Variants in SLC14A2 observed in about 807,000 individuals in gnomAD.
SLC14A2 encodes urea transporter 2.
Under a neutral mutation model 104.6 loss-of-function variants are expected in SLC14A2, and 91 were observed. The observed-to-expected ratio is 0.87, with a 90% CI of 0.73 to 1.04. The LOEUF is 1.04. SLC14A2 is among the 50% of genes least tolerant of loss of function. SLC14A2 has a pLI of 0.00. For missense variants in SLC14A2, 1,189 were observed against 1,156.0 expected (o/e 1.03, Z -0.41); for synonymous variants, 476 against 466.4 (o/e 1.02, Z -0.27).
intron 2 of SLC14A2, among the ~76,000 whole-genome samples, chr18:45,534,442 C>T (rs1286475681): frequency 1.3e-5 from 2 of 152,168 alleles, no homozygotes; most frequent in African/African-American, 4.8e-5. Context: ...CTAAAACCAG[C>T]TCAGTGGTTT....
intron 1 of SLC14A2, among the ~76,000 whole-genome samples, chr18:45,429,731 C>T (rs944315500): frequency 5.3e-5 from 8 of 152,134 alleles, no homozygotes; most frequent in African/African-American, 1.9e-4. Context: ...GTTTGATCCT[C>T]GAAGCCAAGT....
At chr18:45,534,235 G>A (rs997555597) in intron 2 of SLC14A2, among the ~76,000 whole-genome samples, 1 of 152,076 alleles carries the variant, frequency 6.6e-6, no homozygotes, top group African/African-American at 2.4e-5. Flanking sequence ...TCACTGCAGA[G>A]CATTTCCTTA....
At chr18:45,256,946 A>G (rs1321916436) in intron 1 of SLC14A2, among the ~76,000 whole-genome samples, 1 of 152,260 alleles carries the variant, frequency 6.6e-6, no homozygotes, top group African/African-American at 2.4e-5. Flanking sequence ...AAATGGCCGT[A>G]TATTACCCCT....
chr18:45,439,360 T>C (rs2086647157), intron 1 of SLC14A2, among the ~76,000 whole-genome samples: 1 of 152,180 alleles, frequency 6.6e-6, no homozygotes, highest in South Asian at 2.1e-4. Flanking sequence ...ACCTGGTTAC[T>C]AAAGGATTAG....
At chr18:45,604,961 T>G (rs2044844785) in intron 2 of SLC14A2, among the ~76,000 whole-genome samples, 1 of 152,240 alleles carries the variant, frequency 6.6e-6, no homozygotes, top group African/African-American at 2.4e-5. Flanking sequence ...GGGCTTCTAT[T>G]AGTCTTCTTT....
At chr18:45,585,625 A>G (rs1378776711) in intron 2 of SLC14A2, among the ~76,000 whole-genome samples, 1 of 152,230 alleles carries the variant, frequency 6.6e-6, no homozygotes, top group Non-Finnish European at 1.5e-5. Flanking sequence ...GATCCAGCTT[A>G]GTTCCCCTGG....
intron 1 of SLC14A2, among the ~76,000 whole-genome samples, chr18:45,239,205 C>G (rs1261183647): frequency 1.3e-5 from 2 of 152,148 alleles, no homozygotes; most frequent in African/African-American, 4.8e-5. Context: ...AAGCCAGTCC[C>G]AAATCCCCCC....
chr18:45,552,876 A>G (rs72904427), intron 2 of SLC14A2, among the ~76,000 whole-genome samples: 502 of 152,364 alleles, frequency 3.3e-3, no homozygotes, highest in Non-Finnish European at 4.6e-3. Context: ...GCATGAGGCC[A>G]TGGCAAAGAT....
At chr18:45,472,279 A>G (rs1311375368) in intron 1 of SLC14A2, among the ~76,000 whole-genome samples, 1 of 152,090 alleles carries the variant, frequency 6.6e-6, no homozygotes, top group African/African-American at 2.4e-5. Flanking sequence ...TCTATCATTG[A>G]TGGGCATTTG....
intron 1 of SLC14A2, among the ~76,000 whole-genome samples, chr18:45,329,679 T>C (rs2085270515): frequency 6.6e-6 from 1 of 152,234 alleles, no homozygotes; most frequent in African/African-American, 2.4e-5. Flanking sequence ...AGATTCTAAA[T>C]GCCTGCAAGT....
At chr18:45,469,278 G>T (rs2087201101) in intron 1 of SLC14A2, among the ~76,000 whole-genome samples, 1 of 152,144 alleles carries the variant, frequency 6.6e-6, no homozygotes. Context: ...CGAAAGCCTT[G>T]AAATCAGATG....
intron 2 of SLC14A2, among the ~76,000 whole-genome samples, chr18:45,543,418 A>G (rs1369798422): frequency 6.6e-6 from 1 of 152,170 alleles, no homozygotes; most frequent in African/African-American, 2.4e-5. Flanking sequence ...TTGGTAGAGC[A>G]TGAGACTCTT....
intron 1 of SLC14A2, among the ~76,000 whole-genome samples, chr18:45,442,934 G>C (rs1019139691): frequency 6.6e-6 from 1 of 152,190 alleles, no homozygotes; most frequent in Non-Finnish European, 1.5e-5. Flanking sequence ...GCAGGTGCTA[G>C]GTTGTTGAAG....
chr18:45,252,792 C>CTT lies in SLC14A2; in HGVS notation c.-125+39617_-125+39618dup, dbSNP rs745363624. Among the ~76,000 whole-genome samples, 190 of 126,916 alleles carry CTT rather than the reference C, an allele frequency of 1.5e-3. 8 individuals carry two copies. Among genetic ancestry groups the CTT allele is most frequent in the East Asian group, 1.5e-3 (7 of 4,528 alleles). 83.3% of individuals were successfully genotyped at this position (126,916 alleles called of 152,430 possible). ...TGCAACATACTCATAGCAATATTGA[C>CTT]TTTTTTTTTTTTTTTTTGGCAAATG... On this transcript the variant is annotated intron_variant, in intron 1 of 20. Transcript: ENST00000586448.
chr18:45,280,838 C>T (rs1599639503), intron 1 of SLC14A2, among the ~76,000 whole-genome samples: 1 of 152,176 alleles, frequency 6.6e-6, no homozygotes, highest in East Asian at 1.9e-4. Context: ...CTGGGAAATG[C>T]AATTCTGCCC....
At chr18:45,388,170 G>T (rs894768438) in intron 1 of SLC14A2, among the ~76,000 whole-genome samples, 16 of 147,966 alleles carry the variant, frequency 1.1e-4, no homozygotes, top group African/African-American at 3.5e-4. Context: ...CCGCCTCCTG[G>T]GTTCACGCCA....
chr18:45,586,124 G>C (rs2044563583), intron 2 of SLC14A2, among the ~76,000 whole-genome samples: 1 of 152,230 alleles, frequency 6.6e-6, no homozygotes, highest in Non-Finnish European at 1.5e-5. Context: ...TTGCGCAAAA[G>C]TAATTGCGGT....
intron 1 of SLC14A2, among the ~76,000 whole-genome samples, chr18:45,220,137 C>T (rs1599583187): frequency 7.1e-6 from 1 of 141,248 alleles, no homozygotes; most frequent in Admixed American, 7.0e-5. Flanking sequence ...CAGCTGAAGT[C>T]ATTCCTAATA....
At chr18:45,389,404 C>T (rs2085936247) in intron 1 of SLC14A2, among the ~76,000 whole-genome samples, 4 of 152,152 alleles carry the variant, frequency 2.6e-5, no homozygotes, top group African/African-American at 9.7e-5. Flanking sequence ...ATCCAGTGGT[C>T]AAATGAGGCT....
Sources: allele counts gnomAD v4.1 joint callset (sites outside exome capture counted in the v4.1 genomes callset), GRCh38; gene constraint gnomAD v4.1.1; transcripts MANE v1.5; gene names NCBI Gene and HGNC (gene_info 2026-07-23, HGNC 2026-07-21).